CDH18: variants seen among roughly 807,000 people sequenced by gnomAD.
CDH18 encodes cadherin-18.
Under a neutral mutation model 67.9 loss-of-function variants are expected in CDH18, and 31 were observed. The observed-to-expected ratio is 0.46, with a 90% CI of 0.34 to 0.62. The LOEUF is 0.62. Ranked by LOEUF, CDH18 falls within the 20% of genes least tolerant of loss-of-function variation. The pLI, the probability that CDH18 is intolerant of heterozygous loss-of-function variation, is 0.01. For synonymous variants in CDH18, 362 were observed against 347.2 expected, an observed-to-expected ratio of 1.04 and a Z score of -0.48; for missense variants, 890 against 975.5, an observed-to-expected ratio of 0.91 and a Z score of 1.17.
rs776813973 is a variant in CDH18 at position 19,544,003 on chromosome 5, T to A, written c.1256A>T (p.Tyr419Phe). The A allele has an allele frequency of 8.2e-5, 126 of 1,531,016 alleles. 1 individual carries two copies. The highest frequency in any genetic ancestry group is 1.0e-4 in the Non-Finnish European group (116 of 1,130,952). The allele number at this position is 1,531,016 out of a possible 1,614,324, so 94.8% of individuals were successfully genotyped here. A position where few individuals can be genotyped will look rare whatever the true frequency, so the allele number is the denominator to read the frequency against. ...DPDSTNSLVRYFINYNVEDDR... is the reference protein window; with the variant it reads ...DPDSTNSLVRFFINYNVEDDR... ...GTCTTCAACATTGTAGTTGATGAAG[T>A]ATCTAGAGAAAAAAAGAGAAGTTTT... The change falls in exon 9 of 13, where the codon TAC becomes TTC. Residue 419 changes from tyrosine (Y) to phenylalanine (F), a missense_variant and splice_region_variant. By Grantham distance (22) the Tyr-to-Phe change is conservative. Coordinates refer to ENST00000382275, the MANE Select transcript of CDH18 (RefSeq NM_004934.5).
intron 10 of CDH18, among the ~76,000 whole-genome samples, chr5:19,514,731 A>G (rs1011764231): frequency 6.6e-6 from 1 of 152,136 alleles, no homozygotes. Context: ...AGTTATTTGT[A>G]GATTCTGGAT....
intron 5 of CDH18, among the ~76,000 whole-genome samples, chr5:19,686,175 T>G (rs893369703): frequency 6.6e-6 from 1 of 152,018 alleles, no homozygotes; most frequent in Non-Finnish European, 1.5e-5. Flanking sequence ...CAGCACGCAA[T>G]AAAACATTTC....
At chr5:20,313,878 G>A (rs985157260) in intron 1 of CDH18, among the ~76,000 whole-genome samples, 1 of 151,896 alleles carries the variant, frequency 6.6e-6, no homozygotes, top group Non-Finnish European at 1.5e-5. Flanking sequence ...ATTTCCTTGG[G>A]TAATCTTATG....
intron 2 of CDH18, among the ~76,000 whole-genome samples, chr5:20,065,163 C>CT (rs1742865661): frequency 6.6e-6 from 1 of 151,446 alleles, no homozygotes; most frequent in Non-Finnish European, 1.5e-5. Flanking sequence ...TTTTTTTCTA[C>CT]TTATTATAAG....
chr5:19,787,544 T>C (rs563130285), intron 3 of CDH18, among the ~76,000 whole-genome samples: 3 of 152,270 alleles, frequency 2.0e-5, no homozygotes, highest in Non-Finnish European at 4.4e-5. Flanking sequence ...TATATGCATG[T>C]GTTTCCATAG....
chr5:19,687,435 T>C (rs139896972), intron 5 of CDH18, among the ~76,000 whole-genome samples: 1,831 of 152,212 alleles, frequency 0.012, 18 homozygotes, highest in Middle Eastern at 0.041. Context: ...ATGACATCAG[T>C]TACACCCACT....
intron 2 of CDH18, among the ~76,000 whole-genome samples, chr5:20,188,171 T>G (rs773765979): frequency 5.3e-5 from 8 of 151,994 alleles, no homozygotes; most frequent in African/African-American, 1.2e-4. Context: ...ATACAATTTT[T>G]TAAAGCCCCA....
chr5:20,139,021 CA>C (rs1378617719), intron 2 of CDH18, among the ~76,000 whole-genome samples: 1 of 152,028 alleles, frequency 6.6e-6, no homozygotes, highest in Non-Finnish European at 1.5e-5. Flanking sequence ...AATCCTAAGC[CA>C]AAAGAACAAA....
At chr5:20,083,710 A>G (rs1215092820) in intron 2 of CDH18, among the ~76,000 whole-genome samples, 1 of 152,228 alleles carries the variant, frequency 6.6e-6, no homozygotes, top group East Asian at 1.9e-4. Flanking sequence ...CTGTCTGGGA[A>G]GCCTGACAAT....
intron 7 of CDH18, among the ~76,000 whole-genome samples, chr5:19,574,583 ATTAT>A (rs1322936086): frequency 2.0e-5 from 3 of 152,040 alleles, no homozygotes; most frequent in African/African-American, 7.2e-5. Flanking sequence ...AAATTATTGT[ATTAT>A]TTGGTTTTAC....
At chr5:19,523,758 G>A (rs1747306057) in intron 9 of CDH18, among the ~76,000 whole-genome samples, 1 of 152,050 alleles carries the variant, frequency 6.6e-6, no homozygotes, top group Non-Finnish European at 1.5e-5. Flanking sequence ...TCATGCTCTA[G>A]ATGATGTAAT....
Position 20,158,427 on chromosome 5 carries a change from C to A in CDH18, c.-518+97017G>T, listed in dbSNP as rs1433645188. 2.0e-5 allele frequency among the ~76,000 whole-genome samples: 3 copies of A among 151,988 alleles called. No individual in the cohort carries two copies. The East Asian group carries it at 5.8e-4, about 29-fold the overall frequency. On this transcript the variant is annotated intron_variant, in intron 2 of 14. Coordinates refer to the CDH18 transcript ENST00000507958. ...TTTTTGGAAACCTTATATGTAAATT[C>A]ACTTATATACATTTTGCATTTCAGA...
chr5:20,556,193 G>T (rs954022606), intron 1 of CDH18, among the ~76,000 whole-genome samples: 1 of 152,126 alleles, frequency 6.6e-6, no homozygotes, highest in African/African-American at 2.4e-5. Context: ...TCAGAAAAGT[G>T]TTTCAAGAGC....
At chr5:20,436,929 C>T (rs1254894317) in intron 1 of CDH18, among the ~76,000 whole-genome samples, 1 of 151,250 alleles carries the variant, frequency 6.6e-6, no homozygotes, top group Non-Finnish European at 1.5e-5. Context: ...CAAATAATAA[C>T]TCCAGTGAAT....
intron 1 of CDH18, among the ~76,000 whole-genome samples, chr5:20,531,260 G>A (rs530481702): frequency 1.3e-5 from 2 of 152,080 alleles, no homozygotes; most frequent in Non-Finnish European, 1.5e-5. Context: ...TGAGGTTGTG[G>A]AAAAATAGGA....
chr5:19,741,283 A>G (rs865804750), intron 4 of CDH18, among the ~76,000 whole-genome samples: 1 of 141,996 alleles, frequency 7.0e-6, no homozygotes, highest in African/African-American at 2.5e-5. Flanking sequence ...ATATACGTGT[A>G]TATATACATA....
intron 2 of CDH18, among the ~76,000 whole-genome samples, chr5:19,933,255 CCT>C (rs1177884006): frequency 6.6e-6 from 1 of 151,454 alleles, no homozygotes; most frequent in Non-Finnish European, 1.5e-5. Context: ...ACTTACACCT[CCT>C]CTAGTATTAT....
chr5:20,537,052 T>C lies in CDH18; in HGVS notation c.-580+38410A>G, dbSNP rs145661985. Among the ~76,000 whole-genome samples the C allele has an allele frequency of 2.3e-4, 35 of 152,224 alleles. No homozygotes were observed. In the East Asian group the frequency reaches 6.2e-3, roughly 27 times the overall value. Reference sequence around the variant, plus strand: ...TGGTGTCTGCCTTACCACTAGTCTGTGTCAGAACCTGTTGGGCAACAGGCT... The same window carrying C: ...TGGTGTCTGCCTTACCACTAGTCTGCGTCAGAACCTGTTGGGCAACAGGCT... On this transcript the variant is annotated intron_variant, in intron 1 of 14. Coordinates refer to the CDH18 transcript ENST00000507958.
chr5:20,263,741 T>C (rs1201577073), intron 1 of CDH18, among the ~76,000 whole-genome samples: 1 of 152,158 alleles, frequency 6.6e-6, no homozygotes. Context: ...TTAAACTTTA[T>C]AAAACCTACC....
Sources: gnomAD v4.1 joint callset for allele counts (sites outside exome capture counted in the v4.1 genomes callset) on GRCh38, gnomAD v4.1.1 for gene constraint, MANE v1.5 for transcripts, NCBI Gene and HGNC (gene_info 2026-07-23, HGNC 2026-07-21) for gene names.